Variants in HYDIN observed in about 807,000 individuals in gnomAD.
HYDIN encodes HYDIN axonemal central pair apparatus protein, also known as axonemal central pair apparatus protein HYDIN.
In HYDIN, 132 loss-of-function variants were observed where a neutral mutation model predicts 403.9. The ratio of observed to expected loss-of-function variants is 0.33; its 90% confidence interval spans 0.28 to 0.38. The LOEUF (loss-of-function observed/expected upper bound fraction) is 0.38. Among genes scored for constraint, HYDIN ranks in the 10% least tolerant of loss-of-function variants. HYDIN has a pLI of 1.00. For missense variants in HYDIN, 2,827 were observed against 5,009.5 expected, an observed-to-expected ratio of 0.56 and a Z score of 13.15; for synonymous variants, 1,202 against 1,891.7, an observed-to-expected ratio of 0.64 and a Z score of 9.46.
intron 71 of HYDIN, among the ~76,000 whole-genome samples, chr16:70,859,690 C>G (rs2039280865): frequency 6.6e-6 from 1 of 152,186 alleles, no homozygotes; most frequent in Non-Finnish European, 1.5e-5. Flanking sequence ...CTTTGCCTAA[C>G]CAAGTAAAAA....
At chr16:70,882,975 A>G in intron 59 of HYDIN, 80 bp from the exon 60 acceptor site, 1 of 1,150,074 alleles carries the variant, frequency 8.7e-7, no homozygotes, top group South Asian at 1.3e-5. Context: ...GGAACTCTGG[A>G]TTCTCACAAA....
At chr16:71,158,679 GT>G (rs10615981) in intron 6 of HYDIN, among the ~76,000 whole-genome samples, 1,901 of 117,286 alleles carry the variant, frequency 0.016, 20 homozygotes, top group African/African-American at 0.047. Context: ...GAAAAAGATG[GT>G]TTTTTTTTTT....
chr16:71,195,062 G>A (rs541603811), intron 1 of HYDIN, among the ~76,000 whole-genome samples: 1 of 152,208 alleles, frequency 6.6e-6, no homozygotes, highest in South Asian at 2.1e-4. Flanking sequence ...ATGTGAAATA[G>A]GCCACACATT....
intron 21 of HYDIN, among the ~76,000 whole-genome samples, chr16:71,022,355 G>T (rs2080527972): frequency 1.3e-5 from 2 of 152,158 alleles, no homozygotes; most frequent in African/African-American, 4.8e-5. Context: ...GGAACTTCAT[G>T]AAGAAAAGTG....
At chr16:71,031,069 G>A (rs1346644257) in intron 19 of HYDIN, among the ~76,000 whole-genome samples, 2 of 149,880 alleles carry the variant, frequency 1.3e-5, no homozygotes, top group African/African-American at 4.9e-5. Flanking sequence ...GCGTGGTGGT[G>A]GGCACCTGTA....
intron 75 of HYDIN, among the ~76,000 whole-genome samples, chr16:70,847,282 T>C (rs2143567601): frequency 6.6e-6 from 1 of 151,078 alleles, no homozygotes. Flanking sequence ...AGATTTATAG[T>C]TATTGCTATA....
At chr16:71,197,163 G>A (rs1042812274) in intron 1 of HYDIN, among the ~76,000 whole-genome samples, 4 of 151,972 alleles carry the variant, frequency 2.6e-5, no homozygotes, top group Non-Finnish European at 4.4e-5. Flanking sequence ...ATACCTTATC[G>A]TAAATGTCTT....
At chr16:70,916,822 TTTTC>T (rs1206174682) in intron 47 of HYDIN, among the ~76,000 whole-genome samples, 2 of 152,180 alleles carry the variant, frequency 1.3e-5, no homozygotes, top group South Asian at 2.1e-4. Flanking sequence ...TTTCTTTTTC[TTTTC>T]TTTTTCTCTT....
intron 45 of HYDIN, among the ~76,000 whole-genome samples, chr16:70,930,384 G>A (rs1567851304): frequency 6.6e-6 from 1 of 152,184 alleles, no homozygotes; most frequent in Non-Finnish European, 1.5e-5. Context: ...GGGAGGCTGA[G>A]GCAGGAGAAT....
rs372720976 is a variant in HYDIN, at chr16:71,069,437, G to A, written c.1804C>T (p.Arg602Cys). The change falls in exon 14 of 86, where the codon CGT (arginine) becomes TGT (cysteine). Residue 602 changes from arginine (R) to cysteine (C), a missense_variant. Coordinates refer to ENST00000393567, the MANE Select transcript of HYDIN (RefSeq NM_001270974.2). ...TGGCCAAGGCCATCCCCAGGGATAC[G>A]CAGTTTGTAAGTCATGGGGATCAAA... ...TSLIPMTYKL[R>C]IPGDGLGHKS... The A allele has an allele frequency of 4.3e-6, 7 of 1,613,814 alleles. No homozygotes were observed. The highest frequency in any genetic ancestry group is 1.7e-5 in the Admixed American group (1 of 59,998).
chr16:71,227,460 G>A (rs2041085492), intron 1 of HYDIN, among the ~76,000 whole-genome samples: 1 of 152,054 alleles, frequency 6.6e-6, no homozygotes. Flanking sequence ...AGCAACTTCA[G>A]CAAAATCTCA....
At chr16:71,003,213 T>G (rs889828801) in intron 23 of HYDIN, among the ~76,000 whole-genome samples, 7 of 152,160 alleles carry the variant, frequency 4.6e-5, no homozygotes, top group Non-Finnish European at 8.8e-5. Flanking sequence ...TCTAGGAGCT[T>G]GGCTAGTCTT....
intron 5 of HYDIN, among the ~76,000 whole-genome samples, chr16:71,175,283 A>G (rs1408270747): frequency 1.3e-5 from 2 of 151,824 alleles, no homozygotes; most frequent in Non-Finnish European, 2.9e-5. Context: ...ACCCACCACT[A>G]CCCACCAACA....
chr16:71,113,276 A>G (rs1170892707), intron 10 of HYDIN: 1 of 147,962 alleles, frequency 6.8e-6, no homozygotes, highest in Non-Finnish European at 1.5e-5. Context: ...CACCATCACA[A>G]GAAACAGCCA....
At chr16:71,107,821 G>A (rs2083673078) in intron 10 of HYDIN, among the ~76,000 whole-genome samples, 1 of 152,112 alleles carries the variant, frequency 6.6e-6, no homozygotes, top group Non-Finnish European at 1.5e-5. Flanking sequence ...CCATTACTGG[G>A]TATAAACCCA....
rs753851457 is a variant in HYDIN, at chr16:70,832,925, G to T, written c.13822C>A (p.Leu4608Ile). Residue 4608 changes from leucine (L) to isoleucine (I), a missense_variant, in exon 80 of 86, where the codon CTC becomes ATC. Coordinates refer to ENST00000393567, the MANE Select transcript of HYDIN (RefSeq NM_001270974.2). Reference sequence around the variant, plus strand: ...GGACTGCCTCCCTGGATGTAGCAGAGAATGTTTTTACAAAGGCTCTCCTTT... The same window carrying T: ...GGACTGCCTCCCTGGATGTAGCAGATAATGTTTTTACAAAGGCTCTCCTTT... ...VGKESLCKNI[L>I]CYIQGGSPLS... is the part of the protein sequence containing the mutation. 8 of 1,614,070 alleles carry T rather than the reference G, an allele frequency of 5.0e-6. No individual in the cohort carries two copies. In the Admixed American group the frequency reaches 1.2e-4, roughly 24 times the overall value.
intron 1 of HYDIN, among the ~76,000 whole-genome samples, chr16:71,198,029 G>C (rs2087792823): frequency 1.3e-5 from 2 of 152,238 alleles, no homozygotes. Flanking sequence ...TTACAGGCGT[G>C]AGCCACAGAG....
chr16:71,052,400 T>C (rs1395432411), intron 18 of HYDIN, among the ~76,000 whole-genome samples: 2 of 151,468 alleles, frequency 1.3e-5, no homozygotes, highest in Non-Finnish European at 2.9e-5. Context: ...AAGGAAAGAG[T>C]ATGCAAGAAC....
At chr16:70,941,502 A>C in intron 43 of HYDIN, 134 bp downstream of exon 43, 1 of 575,696 alleles carries the variant, frequency 1.7e-6, no homozygotes, top group South Asian at 4.1e-5. Context: ...CCAGCCGGCC[A>C]CTCGCGTCCC....
Sources: gnomAD v4.1 joint callset for allele counts (sites outside exome capture counted in the v4.1 genomes callset) on GRCh38, gnomAD v4.1.1 for gene constraint, MANE v1.5 for transcripts, NCBI Gene and HGNC (gene_info 2026-07-23, HGNC 2026-07-21) for gene names.